Variants in ADAMTS14 observed in about 807,000 individuals in gnomAD.
The protein encoded by ADAMTS14 is A disintegrin and metalloproteinase with thrombospondin motifs 14.
A neutral mutation model predicts 128.6 loss-of-function variants in ADAMTS14; 100 were observed. The ratio of observed to expected loss-of-function variants is 0.78; its 90% confidence interval spans 0.66 to 0.92. The LOEUF is 0.92. Ranked by LOEUF, ADAMTS14 falls within the 40% of genes least tolerant of loss-of-function variation. ADAMTS14 has a pLI of 0.00. For synonymous variants in ADAMTS14, 665 were observed against 653.8 expected (o/e 1.02, Z -0.26); for missense variants, 1,562 against 1,658.6 (o/e 0.94, Z 1.01).
At chr10:70,699,577 T>G (rs1840434965) in intron 2 of ADAMTS14, among the ~76,000 whole-genome samples, 1 of 151,860 alleles carries the variant, frequency 6.6e-6, no homozygotes, top group African/African-American at 2.4e-5. Context: ...ACGATGATCT[T>G]GAAAGGTCTG....
intron 16 of ADAMTS14, among the ~76,000 whole-genome samples, chr10:70,751,145 GC>G (rs1454816005): frequency 6.6e-6 from 1 of 152,216 alleles, no homozygotes; most frequent in African/African-American, 2.4e-5. Context: ...CTAGAGCCAG[GC>G]AGTGTGGATG....
At chr10:70,735,338 G>C in intron 9 of ADAMTS14, 37 bp downstream of exon 9, 1 of 1,608,472 alleles carries the variant, frequency 6.2e-7, no homozygotes. Flanking sequence ...GTGGTTGGGG[G>C]CCAGGGCAGT....
chr10:70,720,497 T>C (rs947642043), intron 4 of ADAMTS14, among the ~76,000 whole-genome samples: 38 of 152,314 alleles, frequency 2.5e-4, no homozygotes, highest in African/African-American at 8.7e-4. Context: ...TGTGAACTTG[T>C]CTGTGTGTGC....
In ADAMTS14 at chr10:70,741,128, C is replaced by G. The variant is rs532151936; in HGVS notation, c.1890C>G (p.Ala630=). The change falls in exon 12 of 22, where the codon GCC becomes GCG. Residue 630 remains alanine, a synonymous_variant. Transcript: ENST00000373207. ...KRNSYYVHQN[A]KHSWVPYEPD... The stretch of plus-strand genomic sequence containing the variant: ...ACTCCTACTATGTGCACCAGAATGC[C>G]AAGCACAGCTGGGTGCCCTACGAGC... The G allele has an allele frequency of 6.2e-7, 1 of 1,613,770 alleles. No individual in the cohort carries two copies. The highest frequency in any genetic ancestry group is 1.3e-5 in the African/African-American group (1 of 75,066).
At position 70,689,675 on chromosome 10, in the gene ADAMTS14, C is replaced by T. The variant is rs182414929; in HGVS notation, c.523-12637C>T. ...CTCCCAGATGATGACATTCGCCTTC[C>T]TGCGCTCCCTTGCCCCTGCAGTGTA... On this transcript the variant is annotated intron_variant, in intron 2 of 21. Coordinates refer to ENST00000373207, the MANE Select transcript of ADAMTS14 (RefSeq NM_080722.4). Among the ~76,000 whole-genome samples, 637 of 145,868 alleles carry T rather than the reference C, an allele frequency of 4.4e-3. 51 individuals are homozygous for T. The highest frequency in any genetic ancestry group is 0.015 in the African/African-American group (606 of 41,204).
At chr10:70,696,981 A>G (rs539939680) in intron 2 of ADAMTS14, among the ~76,000 whole-genome samples, 4 of 152,244 alleles carry the variant, frequency 2.6e-5, no homozygotes, top group South Asian at 4.2e-4. Flanking sequence ...ACAGTGGAAC[A>G]GTTTCAAGCT....
At chr10:70,735,433 G>C in intron 9 of ADAMTS14, 132 bp downstream of exon 9, 1 of 1,317,328 alleles carries the variant, frequency 7.6e-7, no homozygotes, top group Non-Finnish European at 1.0e-6. Flanking sequence ...CACAGACACA[G>C]TGCCAGCCAC....
At chr10:70,734,421 C>T (rs533983588) in intron 8 of ADAMTS14, among the ~76,000 whole-genome samples, 21 of 152,264 alleles carry the variant, frequency 1.4e-4, no homozygotes, top group South Asian at 4.2e-4. Flanking sequence ...TGGCTCCTAA[C>T]GACCCCTTTG....
intron 2 of ADAMTS14, among the ~76,000 whole-genome samples, chr10:70,677,736 G>A (rs1165498328): frequency 6.6e-6 from 1 of 152,130 alleles, no homozygotes; most frequent in East Asian, 1.9e-4. Flanking sequence ...CCTTCCACTG[G>A]GGCCGCCGGC....
intron 4 of ADAMTS14, among the ~76,000 whole-genome samples, chr10:70,723,134 T>A (rs1347657388): frequency 1.3e-5 from 2 of 152,110 alleles, no homozygotes; most frequent in African/African-American, 4.8e-5. Context: ...TCCTCCCCAA[T>A]AGCCCCCATC....
chr10:70,740,044 A>G (rs1841947450), intron 11 of ADAMTS14, among the ~76,000 whole-genome samples: 1 of 152,250 alleles, frequency 6.6e-6, no homozygotes, highest in African/African-American at 2.4e-5. Context: ...TATAATTGGT[A>G]TCAAAGCTAC....
rs575462891 is a variant in ADAMTS14 at position 70,733,610 on chromosome 10, A to G, written c.1209-275A>G. ...GCTTGATCTGGCCTTGGAAGCTGTA[A>G]GAACATGGGTGGAGCTCACAGAAGG... is the stretch of plus-strand genomic sequence containing the variant. On this transcript the variant is annotated intron_variant, in intron 7 of 21. Transcript: ENST00000373207. 2.0e-5 allele frequency among the ~76,000 whole-genome samples: 3 copies of G among 152,304 alleles called. No individual in the cohort carries two copies. In the South Asian group the frequency reaches 6.2e-4, roughly 32 times the overall value.
At position 70,752,201 on chromosome 10, in the gene ADAMTS14, C is replaced by T. The variant is rs1842370887; in HGVS notation, c.2703C>T (p.Cys901=). The part of the protein sequence containing the change: ...KKRPKPIRRR[C]NQHPCSQPVW... ...GGCCCAAGCCCATCCGCCGGCGCTG[C>T]AACCAGCACCCGTGCTCTCAGCCTG... Residue 901 remains cysteine (C), a synonymous_variant, in exon 18 of 22, where the codon TGC becomes TGT. Transcript: ENST00000373207. The T allele has an allele frequency of 6.2e-7, 1 of 1,613,788 alleles. No homozygotes were observed.
Position 70,736,938 on chromosome 10 carries a change from G to A in ADAMTS14, c.1599+145G>A, listed in dbSNP as rs2132692897. On this transcript the variant is annotated intron_variant, in intron 10 of 21. Transcript: ENST00000373207. ...GGGTGGTGCTAAAAGACAGTGGTGA[G>A]TCCAGTGTGTGGGTAAATACACGTG... 6.0e-6 allele frequency: 4 copies of A among 668,596 alleles called. No individual in the cohort carries two copies. The South Asian group carries it at 8.0e-5, about 13-fold the overall frequency. 41.4% of individuals were successfully genotyped at this position (668,596 alleles called of 1,614,324 possible). A position where few individuals can be genotyped will look rare whatever the true frequency, so the allele number is the denominator to read the frequency against.
intron 4 of ADAMTS14, among the ~76,000 whole-genome samples, chr10:70,722,164 G>A (rs150412364): frequency 6.6e-6 from 1 of 152,168 alleles, no homozygotes; most frequent in African/African-American, 2.4e-5. Flanking sequence ...GGAGCCTACT[G>A]GACTCAATAG....
rs1385472353 is a variant in ADAMTS14, at chr10:70,760,447, G to A, written c.3266G>A (p.Cys1089Tyr). The change falls in exon 22 of 22, where the codon TGC becomes TAC. Residue 1089 changes from cysteine (C) to tyrosine (Y), a missense_variant. By Grantham distance (194) the Cys-to-Tyr change is radical. Transcript: ENST00000373207. The part of the protein sequence containing the change: ...YCSIPGYHRL[C>Y]CVSCIKKASG... ...TCCATTCCCGGCTACCACCGGCTCT[G>A]CTGTGTGTCCTGCATCAAGAAGGCC... The A allele has an allele frequency of 6.2e-7, 1 of 1,613,638 alleles. No individual in the cohort carries two copies. The highest frequency in any genetic ancestry group is 1.3e-5 in the African/African-American group (1 of 74,922).
In ADAMTS14 at chr10:70,702,454, A is replaced by G; in HGVS notation, c.665A>G (p.Asp222Gly). 1 of 1,609,286 alleles carries G rather than the reference A, an allele frequency of 6.2e-7. No individual in the cohort carries two copies. Among genetic ancestry groups the G allele is most frequent in the Non-Finnish European group, 8.5e-7 (1 of 1,177,566 alleles). ...VQQEWAEPDG[D>G]LHNEAFGLGD... ...CAGGAGTGGGCAGAACCTGACGGGGACCTGCACAATGAAGGTAGGCTGTAG... is the reference window on the plus strand; with the variant it reads ...CAGGAGTGGGCAGAACCTGACGGGGGCCTGCACAATGAAGGTAGGCTGTAG... The change falls in exon 3 of 22, where the codon GAC becomes GGC. Residue 222 changes from aspartate to glycine, a missense_variant. Coordinates refer to ENST00000373207, the MANE Select transcript of ADAMTS14 (RefSeq NM_080722.4).
At chr10:70,740,860 A>G in intron 11 of ADAMTS14, 127 bp from the exon 12 acceptor site, 1 of 958,286 alleles carries the variant, frequency 1.0e-6, no homozygotes, top group Non-Finnish European at 1.6e-6. Context: ...TCTCTGGTTT[A>G]TGTCAGTGGA....
At chr10:70,739,093 C>A in intron 11 of ADAMTS14, 103 bp downstream of exon 11, 1 of 1,391,788 alleles carries the variant, frequency 7.2e-7, no homozygotes, top group East Asian at 2.4e-5. Context: ...GAGAAGGGCC[C>A]CTGTGGGTGG....
Sources: gnomAD v4.1 joint callset for allele counts (sites outside exome capture counted in the v4.1 genomes callset) on GRCh38, gnomAD v4.1.1 for gene constraint, MANE v1.5 for transcripts, NCBI Gene and HGNC (gene_info 2026-07-23, HGNC 2026-07-21) for gene names.